GK: variants seen among roughly 807,000 people sequenced by gnomAD.
GK encodes the protein glycerol kinase, also known as ATP:glycerol 3-phosphotransferase.
GK carries 9 observed loss-of-function variants against 56.4 expected under a neutral mutation model. The ratio of observed to expected loss-of-function variants is 0.16; its 90% confidence interval spans 0.10 to 0.28. The LOEUF is 0.28. Among genes scored for constraint, GK ranks in the 10% least tolerant of loss-of-function variants. GK has a pLI of 1.00. For synonymous variants in GK, 104 were observed against 144.1 expected (o/e 0.72, Z 1.99); for missense variants, 161 against 431.4 (o/e 0.37, Z 5.55).
chrX:30,724,270 G>T, intron 19 of GK, 89 bp downstream of exon 19: 2 of 574,131 alleles, frequency 3.5e-6, no homozygotes, highest in South Asian at 5.1e-5. Context: ...TAGCCAGGCT[G>T]CTCTGAAGAA....
intron 6 of GK, chrX:30,695,265 A>C: frequency 1.6e-4 from 71 of 442,614 alleles, no homozygotes; most frequent in Non-Finnish European, 2.2e-4. Flanking sequence ...TCACCTCTCC[A>C]TGTGCTTGGC....
intron 14 of GK, among the ~76,000 whole-genome samples, chrX:30,718,878 G>T (rs1936756716): frequency 8.9e-6 from 1 of 111,996 alleles, no homozygotes; most frequent in African/African-American, 3.2e-5. Flanking sequence ...ACTGGAGATT[G>T]CCAGAACCTG....
In GK at chrX:30,728,871, AC is replaced by A. The variant is rs1868780361; in HGVS notation, c.*132del. On this transcript the variant is annotated 3_prime_UTR_variant, in exon 21 of 21. Transcript: ENST00000427190. ...TTATTTATAAGCCACTTGCTGCATG[AC>A]CCTCCAAGTAGACCTGTGGCTTAAA... The A allele has an allele frequency of 9.2e-6, 5 of 540,975 alleles. No homozygotes were observed. Among genetic ancestry groups the A allele is most frequent in the Non-Finnish European group, 1.3e-5 (4 of 302,852 alleles). The allele number at this position is 540,975 out of a possible 1,213,427, so 44.6% of individuals were successfully genotyped here.
chrX:30,697,743 T>C lies in GK; in HGVS notation c.741T>C (p.His247=), dbSNP rs756642611. 15 of 1,159,595 alleles carry C rather than the reference T, an allele frequency of 1.3e-5. No homozygotes were observed. Among genetic ancestry groups the C allele is most frequent in the East Asian group, 8.9e-5 (3 of 33,523 alleles). The stretch of plus-strand genomic sequence containing the variant: ...CTTGCTGACTATAGAAAATCTCTCA[T>C]AGCGTGGTGAGTAGGTTGCCCGCCA... ...SEIYGLMKIS[H]SVKAGALEGV... The change falls in exon 9 of 21, where the codon CAT becomes CAC. Residue 247 remains histidine, a synonymous_variant. Transcript: ENST00000427190.
At chrX:30,659,014 ATTTCTTTC>A (rs757560961) in intron 1 of GK, among the ~76,000 whole-genome samples, 5 of 111,948 alleles carry the variant, frequency 4.5e-5, no homozygotes, top group East Asian at 5.6e-4. Context: ...ATTTACTACA[ATTTCTTTC>A]TTTCTTTCTT....
rs1186245035 is a variant in GK, at chrX:30,730,494, A to G, written c.*1752A>G. 4.4e-5 allele frequency: 5 copies of G among 112,362 alleles called. No individual in the cohort carries two copies. The highest frequency in any genetic ancestry group is 1.6e-4 in the African/African-American group (5 of 30,964). The allele number at this position is 112,362 out of a possible 1,213,427, so 9.3% of individuals were successfully genotyped here. ...TAATTGTGAAAGCCACTGTTCAAAT[A>G]ATTTTAAGATTACATTAATTTTTCT... On this transcript the variant is annotated 3_prime_UTR_variant, in exon 21 of 21. Coordinates refer to ENST00000427190, the MANE Select transcript of GK (RefSeq NM_001205019.2).
intron 4 of GK, among the ~76,000 whole-genome samples, chrX:30,683,051 A>G (rs1205120466): frequency 9.0e-6 from 1 of 111,199 alleles, no homozygotes; most frequent in African/African-American, 3.3e-5. Context: ...ACGAATTTGG[A>G]AGAGACACAT....
intron 13 of GK, among the ~76,000 whole-genome samples, chrX:30,713,620 A>C (rs776922892): frequency 1.8e-5 from 2 of 111,892 alleles, no homozygotes; most frequent in South Asian, 3.8e-4. Flanking sequence ...ATTATTTGTA[A>C]AAAGAAATAG....
At chrX:30,701,724 A>G (rs1445225571) in intron 11 of GK, among the ~76,000 whole-genome samples, 1 of 112,383 alleles carries the variant, frequency 8.9e-6, no homozygotes, top group Non-Finnish European at 1.9e-5. Context: ...CTCCTTTGAC[A>G]AGAAGCAGAA....
At chrX:30,661,946 C>T (rs1932770556) in intron 1 of GK, among the ~76,000 whole-genome samples, 1 of 112,636 alleles carries the variant, frequency 8.9e-6, no homozygotes, top group Non-Finnish European at 1.9e-5. Flanking sequence ...TTATCCTCTA[C>T]CATAGAGTCT....
intron 11 of GK, among the ~76,000 whole-genome samples, chrX:30,703,100 T>A (rs1464199942): frequency 8.9e-6 from 1 of 112,155 alleles, no homozygotes; most frequent in Non-Finnish European, 1.9e-5. Context: ...ATTATCTTAG[T>A]AATGAGATGC....
intron 3 of GK, among the ~76,000 whole-genome samples, chrX:30,669,425 G>A (rs1413707982): frequency 1.8e-5 from 2 of 110,352 alleles, no homozygotes; most frequent in Non-Finnish European, 3.8e-5. Flanking sequence ...CTCGTGACCC[G>A]CCCGCCTCGG....
intron 11 of GK, 65 bp downstream of exon 11, chrX:30,700,970 A>C: frequency 1.4e-6 from 1 of 699,477 alleles, no homozygotes; most frequent in Non-Finnish European, 2.3e-6. Context: ...TGCTTTGAAT[A>C]AGGAAAAGCT....
intron 1 of GK, among the ~76,000 whole-genome samples, chrX:30,665,273 T>C (rs1171455046): frequency 8.9e-6 from 1 of 112,159 alleles, no homozygotes; most frequent in Non-Finnish European, 1.9e-5. Context: ...GAGTAGGGAA[T>C]TGCTTCTTAA....
At chrX:30,707,983 C>G in intron 12 of GK, 71 bp from the exon 13 acceptor site, 1 of 632,815 alleles carries the variant, frequency 1.6e-6, no homozygotes, top group Non-Finnish European at 2.6e-6. Flanking sequence ...GTTATTTTAA[C>G]TTTAAAAAAA....
At chrX:30,721,289 G>T in intron 18 of GK, 1 of 266,054 alleles carries the variant, frequency 3.8e-6, no homozygotes, top group Admixed American at 6.3e-5. Flanking sequence ...TAGCTAGTTA[G>T]AATAGCCTTT....
At chrX:30,671,934 G>A (rs1396336853) in intron 3 of GK, 1 of 109,732 alleles carries the variant, frequency 9.1e-6, no homozygotes, top group African/African-American at 3.3e-5. Context: ...CCCTGAGGTT[G>A]GGAGTTCGAG....
intron 1 of GK, among the ~76,000 whole-genome samples, chrX:30,659,157 G>A (rs778450519): frequency 4.5e-5 from 5 of 110,901 alleles, no homozygotes; most frequent in African/African-American, 9.8e-5. Flanking sequence ...TAGCCTCCCC[G>A]AGTAGCTGGG....
intron 1 of GK, 26 bp downstream of exon 1, chrX:30,653,641 G>A: frequency 1.7e-6 from 2 of 1,161,204 alleles, no homozygotes; most frequent in South Asian, 1.8e-5. Flanking sequence ...CATGTGAAGA[G>A]GCGCTGAGCC....
Sources: allele counts gnomAD v4.1 joint callset (sites outside exome capture counted in the v4.1 genomes callset), GRCh38; gene constraint gnomAD v4.1.1; transcripts MANE v1.5; gene names NCBI Gene and HGNC (gene_info 2026-07-23, HGNC 2026-07-21).